Variants in MBNL2 observed in about 807,000 individuals in gnomAD.
MBNL2 encodes the protein muscleblind-like protein 2.
Under a neutral mutation model 41.9 loss-of-function variants are expected in MBNL2, and 17 were observed. That is an observed-to-expected ratio of 0.41 (90% CI 0.28 to 0.61). The LOEUF is 0.61. Ranked by LOEUF, MBNL2 falls within the 20% of genes least tolerant of loss-of-function variation. The pLI is 0.35. For missense variants in MBNL2, 336 were observed against 505.6 expected (o/e 0.66, Z 3.22); for synonymous variants, 195 against 182.9 (o/e 1.07, Z -0.53).
chr13:97,260,865 T>A (rs2048484662), intron 1 of MBNL2, among the ~76,000 whole-genome samples: 2 of 152,244 alleles, frequency 1.3e-5, no homozygotes, highest in South Asian at 2.1e-4. Flanking sequence ...ATTTTTTTTT[T>A]AAATTAGCAC....
chr13:97,343,675 C>T (rs1408194716), intron 4 of MBNL2, among the ~76,000 whole-genome samples: 3 of 152,196 alleles, frequency 2.0e-5, no homozygotes, highest in African/African-American at 7.2e-5. Flanking sequence ...CAACTATTTA[C>T]CAATTGGTAT....
chr13:97,145,704 A>G, the MBNL2 span, among the ~76,000 whole-genome samples: 1 of 152,262 alleles, frequency 6.6e-6, no homozygotes, highest in Non-Finnish European at 1.5e-5. Flanking sequence ...TTGGAACTGC[A>G]CAGTGTAACT....
the MBNL2 span, among the ~76,000 whole-genome samples, chr13:97,206,653 C>T: frequency 6.6e-6 from 1 of 152,042 alleles, no homozygotes; most frequent in Non-Finnish European, 1.5e-5. Flanking sequence ...ATGGCACATG[C>T]TAATAGTGAG....
At chr13:97,272,490 A>T (rs2051257506) in intron 1 of MBNL2, among the ~76,000 whole-genome samples, 2 of 152,012 alleles carry the variant, frequency 1.3e-5, no homozygotes. Context: ...CTTTTGTTGC[A>T]ATTGCTTTTG....
chr13:97,162,366 T>C, the MBNL2 span, among the ~76,000 whole-genome samples: 1 of 152,194 alleles, frequency 6.6e-6, no homozygotes, highest in Non-Finnish European at 1.5e-5. Context: ...GCTTACTGGA[T>C]TGCAACCTTG....
chr13:97,381,140 C>T (rs2065421830), intron 8 of MBNL2, among the ~76,000 whole-genome samples: 1 of 151,648 alleles, frequency 6.6e-6, no homozygotes, highest in Non-Finnish European at 1.5e-5. Context: ...ACACACACCA[C>T]ACACAGGCAA....
chr13:97,154,494 T>C, the MBNL2 span, among the ~76,000 whole-genome samples: 1 of 152,042 alleles, frequency 6.6e-6, no homozygotes, highest in African/African-American at 2.4e-5. Flanking sequence ...TTTGCATTTT[T>C]AGTAGAGAAT....
chr13:97,339,936 A>G lies in MBNL2; in HGVS notation c.340-3080A>G, dbSNP rs537013148. ...ATAACCAACAAAATCTAGTAATCGC[A>G]GAAGAGTGGACATGGCCTCAGACTA... On this transcript the variant is annotated intron_variant, in intron 3 of 8. Transcript: ENST00000679496. 2.6e-5 allele frequency among the ~76,000 whole-genome samples: 4 copies of G among 151,592 alleles called. No homozygotes were observed. The East Asian group carries it at 7.8e-4, about 29-fold the overall frequency.
intron 1 of MBNL2, among the ~76,000 whole-genome samples, chr13:97,226,099 G>C (rs1193162418): frequency 4.6e-5 from 7 of 152,018 alleles, no homozygotes; most frequent in Admixed American, 4.6e-4. Context: ...AGCCAAAGGT[G>C]CTGCGTGGCT....
the MBNL2 span, among the ~76,000 whole-genome samples, chr13:97,188,842 C>A: frequency 2.6e-5 from 4 of 152,252 alleles, no homozygotes; most frequent in Admixed American, 2.0e-4. Context: ...CCCAACCCAG[C>A]CCTCATTCCT....
chr13:97,180,087 TG>T, the MBNL2 span, among the ~76,000 whole-genome samples: 2 of 151,950 alleles, frequency 1.3e-5, no homozygotes, highest in African/African-American at 4.8e-5. Context: ...AAGATTACGG[TG>T]GTAGAATTAA....
intron 1 of MBNL2, among the ~76,000 whole-genome samples, chr13:97,237,704 G>C (rs2043545855): frequency 6.6e-6 from 1 of 152,164 alleles, no homozygotes; most frequent in African/African-American, 2.4e-5. Context: ...GGTGTACTTG[G>C]CATGGACTAA....
chr13:97,182,421 G>A, the MBNL2 span, among the ~76,000 whole-genome samples: 1 of 152,280 alleles, frequency 6.6e-6, no homozygotes, highest in African/African-American at 2.4e-5. Context: ...TATATTAAAT[G>A]TTTTATCTGA....
chr13:97,224,134 G>A (rs2041228117), intron 1 of MBNL2, among the ~76,000 whole-genome samples: 1 of 152,208 alleles, frequency 6.6e-6, no homozygotes, highest in South Asian at 2.1e-4. Flanking sequence ...GCAGGGAGCA[G>A]GGCAAAGCTT....
At chr13:97,348,447 T>C (rs1266794752) in intron 5 of MBNL2, among the ~76,000 whole-genome samples, 3 of 152,182 alleles carry the variant, frequency 2.0e-5, no homozygotes, top group Non-Finnish European at 4.4e-5. Flanking sequence ...AAGTTTCTAA[T>C]TAATTTGTTT....
chr13:97,147,393 C>G, the MBNL2 span, among the ~76,000 whole-genome samples: 1 of 152,166 alleles, frequency 6.6e-6, no homozygotes, highest in East Asian at 1.9e-4. Flanking sequence ...TTCCTCCCCA[C>G]CAAGCACTGT....
chr13:97,299,660 CT>C (rs2057417499), intron 2 of MBNL2, among the ~76,000 whole-genome samples: 1 of 151,712 alleles, frequency 6.6e-6, no homozygotes, highest in African/African-American at 2.4e-5. Context: ...ATCTATCTAT[CT>C]ATCTATCTAT....
the MBNL2 span, among the ~76,000 whole-genome samples, chr13:97,159,641 C>G: frequency 6.0e-5 from 9 of 149,588 alleles, no homozygotes; most frequent in Non-Finnish European, 9.0e-5. Context: ...TATTTTATTT[C>G]TCCTTCACTT....
upstream of MBNL2, among the ~76,000 whole-genome samples, chr13:97,216,446 G>A (rs144598425): frequency 1.8e-3 from 270 of 152,214 alleles, 2 homozygotes; most frequent in African/African-American, 6.1e-3. Flanking sequence ...ACAAAGAGGC[G>A]GGATAGGCTT....
Sources: allele counts gnomAD v4.1 joint callset (sites outside exome capture counted in the v4.1 genomes callset), GRCh38; gene constraint gnomAD v4.1.1; transcripts MANE v1.5; gene names NCBI Gene and HGNC (gene_info 2026-07-23, HGNC 2026-07-21).